Variants in PRKCB observed in about 807,000 individuals in gnomAD.
The protein encoded by PRKCB is protein kinase C beta type.
A neutral mutation model predicts 81.5 loss-of-function variants in PRKCB; 13 were observed. The ratio of observed to expected loss-of-function variants is 0.16; its 90% confidence interval spans 0.10 to 0.25. The LOEUF (loss-of-function observed/expected upper bound fraction) is 0.25. Among genes scored for constraint, PRKCB ranks in the 10% least tolerant of loss-of-function variants. PRKCB has a pLI of 1.00. For missense variants in PRKCB, 509 were observed against 875.7 expected (o/e 0.58, Z 5.29); for synonymous variants, 335 against 321.4 (o/e 1.04, Z -0.45).
At chr16:23,947,885 CTT>C (rs3073131) in intron 2 of PRKCB, among the ~76,000 whole-genome samples, 4,217 of 124,402 alleles carry the variant, frequency 0.034, 88 homozygotes, top group African/African-American at 0.055. Flanking sequence ...TCTGGAGCCG[CTT>C]TTTTTTTTTT....
intron 7 of PRKCB, among the ~76,000 whole-genome samples, chr16:24,100,244 T>C (rs1290667459): frequency 6.6e-6 from 1 of 151,052 alleles, no homozygotes; most frequent in East Asian, 2.0e-4. Context: ...GTTTTTAAGG[T>C]TTTTCTTAGA....
chr16:24,192,013 G>T (rs567314464), intron 16 of PRKCB, among the ~76,000 whole-genome samples: 1 of 152,202 alleles, frequency 6.6e-6, no homozygotes, highest in Non-Finnish European at 1.5e-5. Flanking sequence ...GGCAGACTTG[G>T]TGACTCAATG....
intron 5 of PRKCB, among the ~76,000 whole-genome samples, chr16:24,042,118 A>T (rs1000106281): frequency 6.6e-6 from 1 of 152,028 alleles, no homozygotes; most frequent in African/African-American, 2.4e-5. Flanking sequence ...CAGGTTTGTT[A>T]TATAGGTAAA....
chr16:23,902,689 G>A (rs921883869), intron 2 of PRKCB, among the ~76,000 whole-genome samples: 2 of 149,002 alleles, frequency 1.3e-5, no homozygotes, highest in East Asian at 2.0e-4. Context: ...ATGATAATGC[G>A]TTCAGGAACT....
intron 16 of PRKCB, among the ~76,000 whole-genome samples, chr16:24,199,541 T>C (rs897380177): frequency 2.0e-5 from 3 of 152,324 alleles, no homozygotes; most frequent in Middle Eastern, 3.4e-3. Flanking sequence ...ATGTGATTTA[T>C]TTAAGCACAG....
At chr16:24,002,045 G>T (rs1965041374) in intron 3 of PRKCB, among the ~76,000 whole-genome samples, 11 of 152,174 alleles carry the variant, frequency 7.2e-5, no homozygotes. Flanking sequence ...TCATGATTGT[G>T]TGGGTTACTT....
chr16:24,053,357 C>T (rs957495216), intron 5 of PRKCB, among the ~76,000 whole-genome samples: 1 of 152,210 alleles, frequency 6.6e-6, no homozygotes, highest in Non-Finnish European at 1.5e-5. Flanking sequence ...GTCACTGTCA[C>T]AACTACTTAA....
chr16:24,214,987 A>T lies in PRKCB; in HGVS notation c.*171A>T. 1 of 1,437,888 alleles carries T rather than the reference A, an allele frequency of 7.0e-7. No individual in the cohort carries two copies. Among genetic ancestry groups the T allele is most frequent in the South Asian group, 1.5e-5 (1 of 67,010 alleles). The allele number at this position is 1,437,888 out of a possible 1,614,324, so 89.1% of individuals were successfully genotyped here. A position where few individuals can be genotyped will look rare whatever the true frequency, so the allele number is the denominator to read the frequency against. Reference sequence around the variant, plus strand: ...TCCTCAGGTAGTTTGGAGCATCTCTATGAGATGGGATTATGCAGATGGCCT... The same window carrying T: ...TCCTCAGGTAGTTTGGAGCATCTCTTTGAGATGGGATTATGCAGATGGCCT... On this transcript the variant is annotated 3_prime_UTR_variant, in exon 17 of 17. Transcript: ENST00000643927.
chr16:24,098,918 T>C (rs1460381400), intron 7 of PRKCB: 4 of 152,180 alleles, frequency 2.6e-5, no homozygotes, highest in Non-Finnish European at 2.9e-5. Context: ...GTTTTCTTTT[T>C]CCCCCAAGCT....
chr16:24,000,987 C>A lies in PRKCB; in HGVS notation c.288+12397C>A, dbSNP rs368449659. 1.8e-4 allele frequency among the ~76,000 whole-genome samples: 16 copies of A among 88,440 alleles called. No individual in the cohort carries two copies. In the East Asian group the frequency reaches 5.1e-3, roughly 28 times the overall value. 58.0% of individuals were successfully genotyped at this position (88,440 alleles called of 152,430 possible). ...TAGAGAAAATAATACCTAAATAAAG[C>A]GGTTTTTTTTTTTTTGGTAACTATT... is the stretch of plus-strand genomic sequence containing the variant. On this transcript the variant is annotated intron_variant, in intron 3 of 16. Transcript: ENST00000643927.
intron 3 of PRKCB, among the ~76,000 whole-genome samples, chr16:24,009,546 T>G (rs758734044): frequency 8.6e-5 from 13 of 150,806 alleles, no homozygotes; most frequent in Non-Finnish European, 1.0e-4. Context: ...TGCCTCAGCC[T>G]CCCAGAGTGC....
chr16:23,899,473 A>G (rs1172860419), intron 2 of PRKCB, among the ~76,000 whole-genome samples: 2 of 152,256 alleles, frequency 1.3e-5, no homozygotes, highest in Non-Finnish European at 2.9e-5. Flanking sequence ...GCAACTTACC[A>G]GAGGAAACAG....
intron 2 of PRKCB, among the ~76,000 whole-genome samples, chr16:23,960,850 G>C (rs77958819): frequency 6.6e-6 from 1 of 152,086 alleles, no homozygotes; most frequent in Non-Finnish European, 1.5e-5. Context: ...GAGAGTCTGG[G>C]GTATCCCAAA....
At chr16:23,972,243 G>A (rs2141803610) in intron 2 of PRKCB, among the ~76,000 whole-genome samples, 1 of 152,290 alleles carries the variant, frequency 6.6e-6, no homozygotes, top group African/African-American at 2.4e-5. Context: ...GTGGATCAGT[G>A]TCTACCACAG....
intron 2 of PRKCB, among the ~76,000 whole-genome samples, chr16:23,959,921 A>C (rs1479609950): frequency 1.3e-5 from 2 of 152,140 alleles, no homozygotes; most frequent in Non-Finnish European, 2.9e-5. Flanking sequence ...ATGCTGTAGC[A>C]CTGTTGGTGC....
At chr16:23,864,669 C>G (rs941171076) in intron 2 of PRKCB, among the ~76,000 whole-genome samples, 2 of 152,156 alleles carry the variant, frequency 1.3e-5, no homozygotes. Flanking sequence ...GCTTCTGTAT[C>G]CCTCCATCCC....
rs568058208 is a variant in PRKCB at position 23,870,855 on chromosome 16, G to A, written c.205+33449G>A. On this transcript the variant is annotated intron_variant, in intron 2 of 16. Transcript: ENST00000643927. ...CAGCTGGGCAATGCTGTTGATCTCG[G>A]CTGGGCTTGCTCGTGTGTCTTTGGT... Among the ~76,000 whole-genome samples the A allele has an allele frequency of 2.0e-5, 3 of 152,254 alleles. No homozygotes were observed. The East Asian group carries it at 5.8e-4, about 29-fold the overall frequency.
At chr16:24,001,786 C>T (rs929302685) in intron 3 of PRKCB, among the ~76,000 whole-genome samples, 1 of 151,996 alleles carries the variant, frequency 6.6e-6, no homozygotes, top group Non-Finnish European at 1.5e-5. Context: ...TAAACCTTTA[C>T]AATTTTTTTT....
intron 2 of PRKCB, among the ~76,000 whole-genome samples, chr16:23,962,050 G>A (rs11074594): frequency 0.32 from 49,356 of 151,958 alleles, 8,397 homozygotes; most frequent in East Asian, 0.49. Flanking sequence ...TTCATACTCC[G>A]CATCTCTGGG....
Sources: allele counts gnomAD v4.1 joint callset (sites outside exome capture counted in the v4.1 genomes callset), GRCh38; gene constraint gnomAD v4.1.1; transcripts MANE v1.5; gene names NCBI Gene and HGNC (gene_info 2026-07-23, HGNC 2026-07-21).